Variants in MGMT observed in about 807,000 individuals in gnomAD.
MGMT encodes the protein methylated-DNA--protein-cysteine methyltransferase.
Under a neutral mutation model 15.9 loss-of-function variants are expected in MGMT, and 14 were observed. That is an observed-to-expected ratio of 0.88 (90% CI 0.58 to 1.37). The LOEUF is 1.37. MGMT is among the 40% of genes most tolerant of loss of function. The pLI is 0.00. For synonymous variants in MGMT, 130 were observed against 118.2 expected (o/e 1.10, Z -0.65); for missense variants, 282 against 268.1 (o/e 1.05, Z -0.36).
intron 2 of MGMT, among the ~76,000 whole-genome samples, chr10:129,675,516 A>G (rs982818108): frequency 3.9e-5 from 6 of 152,186 alleles, no homozygotes; most frequent in South Asian, 4.1e-4. Context: ...TGTTGCTGGC[A>G]TGTGTGACTA....
At chr10:129,622,335 C>T (rs1847099960) in intron 2 of MGMT, among the ~76,000 whole-genome samples, 1 of 152,234 alleles carries the variant, frequency 6.6e-6, no homozygotes, top group Non-Finnish European at 1.5e-5. Flanking sequence ...ACTTTGAAAG[C>T]TCTGGAAGTA....
intron 2 of MGMT, among the ~76,000 whole-genome samples, chr10:129,607,133 ACTT>A (rs1589890897): frequency 6.6e-6 from 1 of 152,118 alleles, no homozygotes; most frequent in African/African-American, 2.4e-5. Context: ...CAAGGGAGTA[ACTT>A]CTTGGAAGTG....
In MGMT at chr10:129,689,585, C is replaced by T. The variant is rs755975683; in HGVS notation, c.126-18310C>T. Among the ~76,000 whole-genome samples the T allele has an allele frequency of 3.7e-4, 56 of 152,306 alleles. No individual in the cohort carries two copies. The Middle Eastern group carries it at 0.01, about 28-fold the overall frequency. The stretch of plus-strand genomic sequence containing the variant: ...CAGTGGTGTGATGGAGCAGGTCCTT[C>T]GGTTACCACAAGCACACACCCTTTC... On this transcript the variant is annotated intron_variant, in intron 2 of 4. Transcript: ENST00000651593.
chr10:129,535,091 C>G (rs1216895235), intron 1 of MGMT, among the ~76,000 whole-genome samples: 1 of 152,174 alleles, frequency 6.6e-6, no homozygotes, highest in Non-Finnish European at 1.5e-5. Context: ...CCTGCTCCAG[C>G]CCCTTGATGT....
chr10:129,723,299 A>G (rs1327951844), intron 3 of MGMT, among the ~76,000 whole-genome samples: 2 of 152,104 alleles, frequency 1.3e-5, no homozygotes, highest in African/African-American at 4.8e-5. Context: ...TGAGTCCCCA[A>G]AGTCTATTGT....
chr10:129,676,025 C>T (rs1847781382), intron 2 of MGMT, among the ~76,000 whole-genome samples: 1 of 152,164 alleles, frequency 6.6e-6, no homozygotes, highest in East Asian at 1.9e-4. Flanking sequence ...CTCTCATGAG[C>T]ACATGTGAGT....
intron 1 of MGMT, among the ~76,000 whole-genome samples, chr10:129,530,775 G>A (rs570088781): frequency 3.9e-5 from 6 of 152,330 alleles, no homozygotes; most frequent in South Asian, 2.1e-4. Context: ...TGTCCCCCAC[G>A]CCTCTCCAGG....
At chr10:129,564,217 C>T (rs1846315595) in intron 2 of MGMT, 1 of 56,736 alleles carries the variant, frequency 1.8e-5, no homozygotes, top group African/African-American at 6.7e-5. Flanking sequence ...CTCTCCCCCT[C>T]CTTCCCCCTT....
At position 129,706,117 on chromosome 10, in the gene MGMT, C is replaced by T. The variant is rs1267300401; in HGVS notation, c.126-1778C>T. ...CACCAGTCACACTGTGGGCCGCACT[C>T]ATAGGACAAAGTGCCCTTCCCGCCC... On this transcript the variant is annotated intron_variant, in intron 2 of 4. Coordinates refer to ENST00000651593, the MANE Select transcript of MGMT (RefSeq NM_002412.5). Among the ~76,000 whole-genome samples, 5 of 152,244 alleles carry T rather than the reference C, an allele frequency of 3.3e-5. No individual in the cohort carries two copies. In the East Asian group the frequency reaches 9.6e-4, roughly 29 times the overall value.
chr10:129,684,231 A>G (rs1049255592), intron 2 of MGMT, among the ~76,000 whole-genome samples: 2 of 152,198 alleles, frequency 1.3e-5, no homozygotes, highest in Non-Finnish European at 2.9e-5. Context: ...TTAGTGTTGT[A>G]TTTGTGGGTT....
chr10:129,681,187 ACTGGGACACTTCCATGTCACTCCACAC>A (rs1298197052), intron 2 of MGMT, among the ~76,000 whole-genome samples: 1 of 152,216 alleles, frequency 6.6e-6, no homozygotes, highest in East Asian at 1.9e-4. Context: ...TGCGCTGTGG[ACTGGGACACTTCCATGTCACTCCACAC>A]GTGTGCCCCG....
intron 1 of MGMT, among the ~76,000 whole-genome samples, chr10:129,495,283 T>C (rs1160623463): frequency 1.3e-5 from 2 of 152,246 alleles, no homozygotes; most frequent in African/African-American, 2.4e-5. Context: ...ATAAACGTAG[T>C]ACCTAATGCT....
In MGMT at chr10:129,659,359, G is replaced by GAA. The variant is rs758707637; in HGVS notation, c.126-48523_126-48522dup. Among the ~76,000 whole-genome samples the GAA allele has an allele frequency of 6.3e-4, 89 of 141,364 alleles. 1 individual carries two copies. Among genetic ancestry groups the GAA allele is most frequent in the African/African-American group, 1.3e-3 (51 of 38,408 alleles). 92.7% of individuals were successfully genotyped at this position (141,364 alleles called of 152,430 possible). ...GTGGCAGAGCGAGACTCCCTGTGTGGAAAAAAAAAAAAAAGATACTCAGAT... is the reference window on the plus strand; with the variant it reads ...GTGGCAGAGCGAGACTCCCTGTGTGGAAAAAAAAAAAAAAAAGATACTCAGAT... On this transcript the variant is annotated intron_variant, in intron 2 of 4. Transcript: ENST00000651593. This position sits in a 1 kb window ranked among gnomAD's most constrained non-coding sequence, Gnocchi z 4.1.
chr10:129,477,005 A>G (rs1040955882), intron 1 of MGMT, among the ~76,000 whole-genome samples: 1 of 152,030 alleles, frequency 6.6e-6, no homozygotes, highest in Non-Finnish European at 1.5e-5. Flanking sequence ...AGGCCAGGCA[A>G]GTCTGTGGGC....
intron 2 of MGMT, among the ~76,000 whole-genome samples, chr10:129,576,534 C>G (rs1291169626): frequency 6.6e-6 from 1 of 152,172 alleles, no homozygotes; most frequent in Non-Finnish European, 1.5e-5. Context: ...TGGGACGTAT[C>G]TCAAAATAAT....
chr10:129,557,081 A>G (rs1225700629), intron 2 of MGMT, among the ~76,000 whole-genome samples: 1 of 152,184 alleles, frequency 6.6e-6, no homozygotes, highest in African/African-American at 2.4e-5. Context: ...CCTGGAGTGG[A>G]GCGGGAAATA....
chr10:129,521,071 C>G (rs185503365), intron 1 of MGMT, among the ~76,000 whole-genome samples: 1 of 152,246 alleles, frequency 6.6e-6, no homozygotes, highest in East Asian at 1.9e-4. Flanking sequence ...GTCCGGGTGC[C>G]CAGCCTGACT....
chr10:129,625,643 A>G (rs61360403), intron 2 of MGMT, among the ~76,000 whole-genome samples: 1,766 of 152,366 alleles, frequency 0.012, 42 homozygotes, highest in African/African-American at 0.041. Flanking sequence ...AAATTTCAAC[A>G]TCCATTCACG....
At chr10:129,527,796 A>G (rs1485276785) in intron 1 of MGMT, among the ~76,000 whole-genome samples, 5 of 151,982 alleles carry the variant, frequency 3.3e-5, no homozygotes, top group Non-Finnish European at 7.4e-5. Flanking sequence ...TCACGGCTCC[A>G]GGAGCTGCTG....
Sources: gnomAD v4.1 joint callset for allele counts (sites outside exome capture counted in the v4.1 genomes callset) on GRCh38, gnomAD v4.1.1 for gene constraint, Gnocchi (gnomAD v3.1) non-coding constraint, MANE v1.5 for transcripts, NCBI Gene and HGNC (gene_info 2026-07-23, HGNC 2026-07-21) for gene names.